FGF14: variants seen among roughly 807,000 people sequenced by gnomAD.
The protein encoded by FGF14 is fibroblast growth factor homologous factor 4.
A neutral mutation model predicts 25.5 loss-of-function variants in FGF14; 5 were observed. The ratio of observed to expected loss-of-function variants is 0.20; its 90% CI spans 0.10 to 0.41. The LOEUF (loss-of-function observed/expected upper bound fraction) is 0.41. FGF14 is among the 10% of genes least tolerant of loss of function. The pLI, the probability that FGF14 is intolerant of heterozygous loss-of-function variation, is 1.00. For synonymous variants in FGF14, 138 were observed against 118.3 expected (o/e 1.17, Z -1.08); for missense variants, 222 against 320.1 (o/e 0.69, Z 2.34).
At chr13:102,028,783 TA>T (rs1485845587) in intron 1 of FGF14, among the ~76,000 whole-genome samples, 1 of 152,000 alleles carries the variant, frequency 6.6e-6, no homozygotes, top group Non-Finnish European at 1.5e-5. Context: ...GAGGATCAAA[TA>T]AGGAAAAACT....
In FGF14 at chr13:101,993,677, T is replaced by G. The variant is rs547770349; in HGVS notation, c.209-118381A>C. On this transcript the variant is annotated intron_variant, in intron 1 of 4. Coordinates refer to the FGF14 transcript ENST00000376131. ...GAGTATATTGCAAACTCCTTAGCAATCACTAACACTTTTTTAAAAGAAGTA... is the reference window on the plus strand; with the variant it reads ...GAGTATATTGCAAACTCCTTAGCAAGCACTAACACTTTTTTAAAAGAAGTA... Among the ~76,000 whole-genome samples the G allele has an allele frequency of 2.2e-4, 33 of 151,990 alleles. No individual in the cohort carries two copies. In the Middle Eastern group the frequency reaches 0.01, roughly 47 times the overall value.
At chr13:101,828,744 T>G (rs1465724497) in intron 3 of FGF14, among the ~76,000 whole-genome samples, 1 of 152,130 alleles carries the variant, frequency 6.6e-6, no homozygotes, top group Non-Finnish European at 1.5e-5. Flanking sequence ...CGATTATCCA[T>G]GCTGGGTTGA....
chr13:102,122,649 G>T (rs915186999), intron 1 of FGF14, among the ~76,000 whole-genome samples: 1 of 152,048 alleles, frequency 6.6e-6, no homozygotes, highest in East Asian at 1.9e-4. Flanking sequence ...GATTTTAATA[G>T]AACTATTTAG....
intron 1 of FGF14, among the ~76,000 whole-genome samples, chr13:101,928,399 T>C (rs1320251646): frequency 6.8e-6 from 1 of 147,188 alleles, no homozygotes; most frequent in Non-Finnish European, 1.5e-5. Flanking sequence ...TGCTGTGGTG[T>C]GTGTGTGTGT....
rs117662337 is a variant in FGF14 at position 101,761,166 on chromosome 13, T to A, written c.409-34356A>T. ...AGTAAAACAACAAAATAATGCTATG[T>A]GATTCTATGTAGTTTACATGTAAAA... On this transcript the variant is annotated intron_variant, in intron 3 of 4. Transcript: ENST00000376143. Among the ~76,000 whole-genome samples the A allele has an allele frequency of 2.0e-3, 307 of 152,336 alleles. 9 individuals are homozygous for A. In the East Asian group the frequency reaches 0.052, roughly 26 times the overall value.
At chr13:102,218,473 A>T (rs1303294113) in intron 1 of FGF14, among the ~76,000 whole-genome samples, 1 of 151,914 alleles carries the variant, frequency 6.6e-6, no homozygotes, top group African/African-American at 2.4e-5. Flanking sequence ...TCCTAGTTGA[A>T]TTGTGGAGAA....
At chr13:101,959,496 G>A (rs78405232) in intron 1 of FGF14, among the ~76,000 whole-genome samples, 2,233 of 152,212 alleles carry the variant, frequency 0.015, 60 homozygotes, top group African/African-American at 0.051. Flanking sequence ...ACAACTTTCA[G>A]TCGCATATTT....
chr13:102,178,322 G>A (rs1381787822), intron 1 of FGF14, among the ~76,000 whole-genome samples: 1 of 152,094 alleles, frequency 6.6e-6, no homozygotes, highest in Non-Finnish European at 1.5e-5. Flanking sequence ...TGACTTTGCT[G>A]ACTTAGGTCA....
chr13:102,172,823 T>C (rs2048303786), intron 1 of FGF14, among the ~76,000 whole-genome samples: 1 of 152,140 alleles, frequency 6.6e-6, no homozygotes, highest in African/African-American at 2.4e-5. Flanking sequence ...GGGACAGAAT[T>C]AGAGAGGTGG....
At chr13:101,858,897 A>AT (rs1020125909) in intron 3 of FGF14, among the ~76,000 whole-genome samples, 7 of 152,040 alleles carry the variant, frequency 4.6e-5, no homozygotes, top group African/African-American at 7.2e-5. Context: ...TTAGGGTTTT[A>AT]TTTTTTCTCC....
chr13:101,768,302 T>C (rs960066711), intron 3 of FGF14, among the ~76,000 whole-genome samples: 2 of 152,112 alleles, frequency 1.3e-5, no homozygotes, highest in Non-Finnish European at 2.9e-5. Context: ...TGTAAGGCTC[T>C]AATGGAAAAA....
intron 4 of FGF14, among the ~76,000 whole-genome samples, chr13:101,723,371 C>T (rs963399656): frequency 1.3e-5 from 2 of 152,018 alleles, no homozygotes; most frequent in African/African-American, 4.8e-5. Context: ...AATATCAACA[C>T]ATGAACTTCT....
intron 1 of FGF14, among the ~76,000 whole-genome samples, chr13:102,218,407 A>G (rs1476569148): frequency 6.6e-6 from 1 of 152,034 alleles, no homozygotes; most frequent in Non-Finnish European, 1.5e-5. Context: ...GGAAATTAGA[A>G]TTTGAGGGGA....
intron 1 of FGF14, among the ~76,000 whole-genome samples, chr13:102,068,144 A>G (rs1193872838): frequency 1.3e-5 from 2 of 152,262 alleles, no homozygotes; most frequent in South Asian, 2.1e-4. Flanking sequence ...GACCTGTCCT[A>G]TAAGAAATGC....
chr13:101,736,092 T>A (rs2036169015), intron 3 of FGF14, among the ~76,000 whole-genome samples: 1 of 152,168 alleles, frequency 6.6e-6, no homozygotes, highest in African/African-American at 2.4e-5. Flanking sequence ...CAAAGCCAGA[T>A]GGTCAGTTTC....
chr13:102,228,664 T>C (rs985921473), intron 1 of FGF14, among the ~76,000 whole-genome samples: 3 of 152,168 alleles, frequency 2.0e-5, no homozygotes, highest in East Asian at 3.9e-4. Flanking sequence ...GAGTTGGCTA[T>C]AATAATTCCC....
chr13:102,072,291 A>G (rs1435539991), intron 1 of FGF14, among the ~76,000 whole-genome samples: 1 of 152,214 alleles, frequency 6.6e-6, no homozygotes, highest in Non-Finnish European at 1.5e-5. Flanking sequence ...GATTTACAGA[A>G]CAATCTTTAG....
chr13:102,157,691 C>CA (rs901197662), intron 1 of FGF14, among the ~76,000 whole-genome samples: 1 of 152,168 alleles, frequency 6.6e-6, no homozygotes, highest in East Asian at 1.9e-4. Flanking sequence ...TTCTGCACAG[C>CA]AAAAAAATTA....
At chr13:102,341,965 C>T (rs943744614) in intron 1 of FGF14, among the ~76,000 whole-genome samples, 10 of 152,102 alleles carry the variant, frequency 6.6e-5, no homozygotes, top group Non-Finnish European at 1.2e-4. Flanking sequence ...GATATGGAGC[C>T]TCCTAAGCTA....
Sources: gnomAD v4.1 joint callset for allele counts (sites outside exome capture counted in the v4.1 genomes callset) on GRCh38, gnomAD v4.1.1 for gene constraint, MANE v1.5 for transcripts, NCBI Gene and HGNC (gene_info 2026-07-23, HGNC 2026-07-21) for gene names.